HSPA4L: variants seen among roughly 807,000 people sequenced by gnomAD.
The protein encoded by HSPA4L is heat shock protein family A (Hsp70) member 4 like.
A neutral mutation model predicts 100.3 loss-of-function variants in HSPA4L; 48 were observed. That is an observed-to-expected ratio of 0.48 (90% CI 0.38 to 0.61). HSPA4L has a LOEUF of 0.61. Among genes scored for constraint, HSPA4L ranks in the 20% least tolerant of loss-of-function variants. HSPA4L has a pLI of 0.00. For missense variants in HSPA4L, 886 were observed against 988.6 expected, an observed-to-expected ratio of 0.90 and a Z score of 1.39; for synonymous variants, 319 against 328.2, an observed-to-expected ratio of 0.97 and a Z score of 0.30.
At chr4:127,831,234 T>G (rs1274751518) in intron 18 of HSPA4L, among the ~76,000 whole-genome samples, 4 of 152,118 alleles carry the variant, frequency 2.6e-5, no homozygotes, top group African/African-American at 9.7e-5. Flanking sequence ...GCGTGGTGGC[T>G]CACGTCTGTA....
At position 127,795,835 on chromosome 4, in the gene HSPA4L, C is replaced by G. The variant is rs768798898; in HGVS notation, c.233C>G (p.Pro78Arg). ...KKLHGRSFDD[P>R]IVQTERIRLP... ...CTTCATGGGCGATCATTTGATGATC[C>G]CATTGTGCAAACTGAAAGGATCAGG... Residue 78 changes from proline to arginine, a missense_variant, in exon 3 of 19, where the codon CCC becomes CGC. Physicochemically the swap from Pro to Arg is moderately radical, Grantham distance 103 (BLOSUM62 -2). Transcript: ENST00000296464. The G allele has an allele frequency of 6.2e-7, 1 of 1,613,086 alleles. No individual in the cohort carries two copies. The highest frequency in any genetic ancestry group is 8.5e-7 in the Non-Finnish European group (1 of 1,179,252).
At chr4:127,788,865 G>T (rs1391466514) in intron 1 of HSPA4L, among the ~76,000 whole-genome samples, 1 of 152,176 alleles carries the variant, frequency 6.6e-6, no homozygotes, top group African/African-American at 2.4e-5. Context: ...TACACATCTT[G>T]GCAAGCATAG....
intron 1 of HSPA4L, among the ~76,000 whole-genome samples, chr4:127,784,371 C>T (rs1297468800): frequency 4.6e-5 from 7 of 152,184 alleles, no homozygotes; most frequent in Admixed American, 4.6e-4. Context: ...TTTAAAGATC[C>T]TGGCCGGCCA....
In HSPA4L at chr4:127,803,851, G is replaced by T. The variant is rs1296462414; in HGVS notation, c.886G>T (p.Asp296Tyr). The T allele has an allele frequency of 6.2e-7, 1 of 1,613,510 alleles. No individual in the cohort carries two copies. The highest frequency in any genetic ancestry group is 8.5e-7 in the Non-Finnish European group (1 of 1,179,814). The change falls in exon 7 of 19, where the codon GAT becomes TAT. Residue 296 changes from aspartate (D) to tyrosine (Y), a missense_variant. Physicochemically the swap from Asp to Tyr is radical, Grantham distance 160. Coordinates refer to ENST00000296464, the MANE Select transcript of HSPA4L (RefSeq NM_014278.4). ...LNIECFMNDL[D>Y]VSSKMNRAQF... is the part of the protein sequence containing the mutation. ...CATTGAGTGTTTCATGAATGACCTT[G>T]ATGTTTCTAGTAAAATGAACAGGTA...
At chr4:127,785,236 T>G (rs1732683293) in intron 1 of HSPA4L, among the ~76,000 whole-genome samples, 1 of 152,164 alleles carries the variant, frequency 6.6e-6, no homozygotes, top group East Asian at 1.9e-4. Flanking sequence ...GAGAGAGAAA[T>G]TAACCTGCAT....
intron 17 of HSPA4L, 89 bp downstream of exon 17, chr4:127,827,513 A>T: frequency 7.0e-7 from 1 of 1,423,530 alleles, no homozygotes; most frequent in Non-Finnish European, 9.7e-7. Context: ...CTACAAAGCT[A>T]TAGCAGTTGT....
At chr4:127,783,813 C>A in intron 1 of HSPA4L, 2 of 735,542 alleles carry the variant, frequency 2.7e-6, no homozygotes, top group Middle Eastern at 3.7e-4. Flanking sequence ...TAAAATATGG[C>A]AAAAAGATGT....
At position 127,835,708 on chromosome 4, in the gene HSPA4L, A is replaced by G. The variant is rs954155298; in HGVS notation, c.*2834A>G. On this transcript the variant is annotated 3_prime_UTR_variant, in exon 19 of 19. Transcript: ENST00000296464. ...ACAGAACAAGACTCCGTCTCAAAAA[A>G]AAAACAAAAATTCTTCCAAAAAACT... The G allele has an allele frequency of 2.3e-4, 35 of 150,112 alleles. No homozygotes were observed. The highest frequency in any genetic ancestry group is 8.3e-4 in the African/African-American group (34 of 40,834). The allele number at this position is 150,112 out of a possible 1,614,324, so 9.3% of individuals were successfully genotyped here.
intron 1 of HSPA4L, among the ~76,000 whole-genome samples, chr4:127,790,369 C>G (rs1433981505): frequency 2.6e-5 from 4 of 152,138 alleles, no homozygotes; most frequent in African/African-American, 9.7e-5. Context: ...CATATTTTCT[C>G]TAATAGATGA....
intron 1 of HSPA4L, among the ~76,000 whole-genome samples, chr4:127,784,057 G>A (rs995319028): frequency 5.9e-5 from 9 of 152,230 alleles, no homozygotes; most frequent in African/African-American, 2.2e-4. Context: ...GGCCGAAACA[G>A]TAACTGTGAA....
At chr4:127,783,123 A>G (rs960545456) in intron 1 of HSPA4L, among the ~76,000 whole-genome samples, 6 of 151,770 alleles carry the variant, frequency 4.0e-5, no homozygotes, top group African/African-American at 1.5e-4. Context: ...AAAAGTAAAA[A>G]GTCAGCTTCG....
Position 127,794,762 on chromosome 4 carries a change from A to G in HSPA4L, c.165+628A>G, listed in dbSNP as rs192359014. The stretch of plus-strand genomic sequence containing the variant: ...TGACCTTCTAAGTGTGTCACAGATA[A>G]TCAGAGTCTCTAAAAGCAGCCTTTA... On this transcript the variant is annotated intron_variant, in intron 2 of 18. Transcript: ENST00000296464. Among the ~76,000 whole-genome samples, 25 of 152,198 alleles carry G rather than the reference A, an allele frequency of 1.6e-4. No homozygotes were observed. In the East Asian group the frequency reaches 4.8e-3, roughly 29 times the overall value.
At position 127,834,507 on chromosome 4, in the gene HSPA4L, G is replaced by C. The variant is rs1734160660; in HGVS notation, c.*1633G>C. On this transcript the variant is annotated 3_prime_UTR_variant, in exon 19 of 19. Transcript: ENST00000296464. Reference sequence around the variant, plus strand: ...TTTTGAGGGGAAGAATCTCTTTTTTGCATTAAAAAATCATATAAACTTAAT... The same window carrying C: ...TTTTGAGGGGAAGAATCTCTTTTTTCCATTAAAAAATCATATAAACTTAAT... 1 of 151,860 alleles carries C rather than the reference G, an allele frequency of 6.6e-6. No homozygotes were observed. The highest frequency in any genetic ancestry group is 1.5e-5 in the Non-Finnish European group (1 of 67,940). The allele number at this position is 151,860 out of a possible 1,614,324, so 9.4% of individuals were successfully genotyped here. A position where few individuals can be genotyped will look rare whatever the true frequency, so the allele number is the denominator to read the frequency against.
chr4:127,804,906 A>G (rs1733307076), intron 8 of HSPA4L, among the ~76,000 whole-genome samples, 167 bp from the exon 9 acceptor site: 1 of 152,136 alleles, frequency 6.6e-6, no homozygotes, highest in African/African-American at 2.4e-5. Context: ...TGCCTGTCAC[A>G]TAAATAATAT....
intron 17 of HSPA4L, among the ~76,000 whole-genome samples, chr4:127,827,646 A>G (rs1398898248): frequency 6.6e-6 from 1 of 152,092 alleles, no homozygotes; most frequent in Non-Finnish European, 1.5e-5. Context: ...CATCTTTTAG[A>G]ATTTCCTGAA....
Position 127,808,148 on chromosome 4 carries a change from C to G in HSPA4L, c.1378+19C>G, listed in dbSNP as rs371354704. On this transcript the variant is annotated intron_variant, in intron 11 of 18. Transcript: ENST00000296464. Reference sequence around the variant, plus strand: ...AGAATTGGTAAGATAAAAAAAAGTTCTCCATAACATTTTGGCCTTTTATAA... The same window carrying G: ...AGAATTGGTAAGATAAAAAAAAGTTGTCCATAACATTTTGGCCTTTTATAA... 1 of 1,575,670 alleles carries G rather than the reference C, an allele frequency of 6.3e-7. No individual in the cohort carries two copies. The highest frequency in any genetic ancestry group is 1.4e-5 in the African/African-American group (1 of 72,424).
chr4:127,807,150 A>T (rs940892121), intron 10 of HSPA4L, among the ~76,000 whole-genome samples: 4 of 152,026 alleles, frequency 2.6e-5, no homozygotes, highest in African/African-American at 9.7e-5. Flanking sequence ...TAGAGTAAGA[A>T]GTTTGTGGAT....
chr4:127,813,258 A>C, intron 12 of HSPA4L: 1 of 809,430 alleles, frequency 1.2e-6, no homozygotes, highest in Non-Finnish European at 2.1e-6. Context: ...CTTTTATTCT[A>C]TTTTAAGACA....
chr4:127,792,279 A>G (rs112092139), intron 1 of HSPA4L, among the ~76,000 whole-genome samples: 28 of 152,310 alleles, frequency 1.8e-4, no homozygotes, highest in African/African-American at 6.3e-4. Flanking sequence ...AAATTGTCCT[A>G]TGAAACTAGC....
Sources: gnomAD v4.1 joint callset for allele counts (sites outside exome capture counted in the v4.1 genomes callset) on GRCh38, gnomAD v4.1.1 for gene constraint, MANE v1.5 for transcripts, NCBI Gene and HGNC (gene_info 2026-07-23, HGNC 2026-07-21) for gene names.